KLHL42: variants seen among roughly 807,000 people sequenced by gnomAD.
KLHL42 encodes kelch like family member 42.
KLHL42 carries 27 observed loss-of-function variants against 32.7 expected under a neutral mutation model. The observed-to-expected ratio is 0.83, with a 90% CI of 0.61 to 1.14. The LOEUF (loss-of-function observed/expected upper bound fraction) is 1.14, where lower values mean the gene tolerates loss of function less well. Among genes scored for constraint, KLHL42 ranks in the 50% most tolerant of loss-of-function variants. The pLI is 0.00. For missense variants in KLHL42, 491 were observed against 560.8 expected (o/e 0.88, Z 1.26); for synonymous variants, 267 against 248.2 (o/e 1.08, Z -0.71).
intron 1 of KLHL42, among the ~76,000 whole-genome samples, chr12:27,786,745 C>T (rs1302548111): frequency 2.1e-5 from 2 of 96,808 alleles, no homozygotes; most frequent in African/African-American, 1.0e-4. Context: ...TTTTTTGAGA[C>T]AGAGTCTCGC....
chr12:27,791,608 T>C (rs2062197283), intron 1 of KLHL42, 100 bp from the exon 2 acceptor site: 2 of 1,072,796 alleles, frequency 1.9e-6, no homozygotes, highest in East Asian at 4.8e-5. Flanking sequence ...GAGAGCGAAT[T>C]TTCTTCAGAT....
In KLHL42 at chr12:27,801,366, A is replaced by C. The variant is rs1355072904; in HGVS notation, c.*3200A>C. On this transcript the variant is annotated 3_prime_UTR_variant, in exon 3 of 3. Transcript: ENST00000381271. ...GACTGTTGCCTATTGAGCATTGTGG[A>C]TGATGTGTTTTCAGATTTCCAGGTG... 1.3e-5 allele frequency: 2 copies of C among 152,300 alleles called. No homozygotes were observed. The highest frequency in any genetic ancestry group is 2.9e-5 in the Non-Finnish European group (2 of 68,026). 9.4% of individuals were successfully genotyped at this position (152,300 alleles called of 1,614,324 possible). A position where few individuals can be genotyped will look rare whatever the true frequency, so the allele number is the denominator to read the frequency against.
chr12:27,782,303 T>C (rs1238228852), intron 1 of KLHL42, among the ~76,000 whole-genome samples: 1 of 152,200 alleles, frequency 6.6e-6, no homozygotes, highest in Non-Finnish European at 1.5e-5. Flanking sequence ...TCCTATAATA[T>C]GAAATTCATT....
chr12:27,796,799 C>A (rs1484828111), intron 2 of KLHL42, among the ~76,000 whole-genome samples: 1 of 151,962 alleles, frequency 6.6e-6, no homozygotes, highest in African/African-American at 2.4e-5. Context: ...CCATGCCTGG[C>A]TAATTTTTTA....
At chr12:27,792,503 T>C (rs1041614887) in intron 2 of KLHL42, among the ~76,000 whole-genome samples, 1 of 152,148 alleles carries the variant, frequency 6.6e-6, no homozygotes, top group Non-Finnish European at 1.5e-5. Context: ...GAGGTGGTTG[T>C]ACTATCTATT....
At chr12:27,782,186 CA>C (rs1442154611) in intron 1 of KLHL42, among the ~76,000 whole-genome samples, 3 of 152,108 alleles carry the variant, frequency 2.0e-5, no homozygotes, top group African/African-American at 7.2e-5. Flanking sequence ...CACAGCTGGG[CA>C]AAGAAAGTCT....
Position 27,798,723 on chromosome 12 carries a change from A to G in KLHL42, c.*557A>G, listed in dbSNP as rs531344154. ...ACTACTTTTTAGGAAACTTATAATG[A>G]TGGAGCCCTACAGTGAATCCTTACC... On this transcript the variant is annotated 3_prime_UTR_variant, in exon 3 of 3. Transcript: ENST00000381271. The G allele has an allele frequency of 1.3e-5, 2 of 152,568 alleles. No homozygotes were observed. Among genetic ancestry groups the G allele is most frequent in the East Asian group, 3.9e-4 (2 of 5,184 alleles). The allele number at this position is 152,568 out of a possible 1,614,324, so 9.5% of individuals were successfully genotyped here.
Position 27,780,377 on chromosome 12 carries a change from A to T in KLHL42, c.47A>T (p.Tyr16Phe), listed in dbSNP as rs775288759. The T allele has an allele frequency of 3.8e-6, 6 of 1,581,446 alleles. No individual in the cohort carries two copies. The South Asian group carries it at 4.6e-5, about 12-fold the overall frequency. Residue 16 changes from tyrosine (Y) to phenylalanine (F), a missense_variant, in exon 1 of 3, where the codon TAC becomes TTC. This residue lies in a region of KLHL42 where 88 missense variants were observed against 89.0 expected (regional missense o/e 0.99). Coordinates refer to ENST00000381271, the MANE Select transcript of KLHL42 (RefSeq NM_020782.2). The surrounding 1 kb of genome is among the most constrained non-coding windows in gnomAD (Gnocchi z 8.8). Reference sequence around the variant, plus strand: ...CAGATCCGCCTGGAGGACCGCTGCTACCCGGTGAGCAAGAGGAAGCTCATC... The same window carrying T: ...CAGATCCGCCTGGAGGACCGCTGCTTCCCGGTGAGCAAGAGGAAGCTCATC... Reference protein sequence around the residue: ...MVQIRLEDRCYPVSKRKLIEQ... With the variant: ...MVQIRLEDRCFPVSKRKLIEQ...
chr12:27,795,615 A>G (rs1470103379), intron 2 of KLHL42, among the ~76,000 whole-genome samples: 3 of 124,580 alleles, frequency 2.4e-5, no homozygotes, highest in Non-Finnish European at 3.4e-5. Context: ...ATAAGTCATC[A>G]TGATTGTTAG....
intron 1 of KLHL42, among the ~76,000 whole-genome samples, chr12:27,790,160 G>T (rs1159229448): frequency 6.6e-6 from 1 of 152,132 alleles, no homozygotes; most frequent in African/African-American, 2.4e-5. Flanking sequence ...TTGTGTTGGG[G>T]TTGGATGTGG....
At chr12:27,790,235 G>A (rs921940753) in intron 1 of KLHL42, among the ~76,000 whole-genome samples, 7 of 152,308 alleles carry the variant, frequency 4.6e-5, no homozygotes, top group Non-Finnish European at 1.5e-5. Context: ...TTGAATGATA[G>A]TATTTTATCT....
intron 2 of KLHL42, among the ~76,000 whole-genome samples, chr12:27,794,173 C>G (rs185990538): frequency 2.0e-5 from 3 of 152,322 alleles, no homozygotes; most frequent in African/African-American, 7.2e-5. Flanking sequence ...TGGCCTAAAA[C>G]AACAGAAACA....
At chr12:27,784,491 G>A (rs1328130987) in intron 1 of KLHL42, among the ~76,000 whole-genome samples, 1 of 152,068 alleles carries the variant, frequency 6.6e-6, no homozygotes, top group Non-Finnish European at 1.5e-5. Context: ...GTTCACGCTT[G>A]TAGTCCCAGC....
chr12:27,787,269 C>T lies in KLHL42; in HGVS notation c.873-4439C>T, dbSNP rs529490128. 2.8e-3 allele frequency among the ~76,000 whole-genome samples: 425 copies of T among 151,734 alleles called. 5 individuals carry two copies. The highest frequency in any genetic ancestry group is 9.9e-3 in the African/African-American group (410 of 41,396). ...CAGCACTTTGGGAGGCTGAGGCAGGCGGATCACCTGAGGTCAGAGGTTCGA... is the reference window on the plus strand; with the variant it reads ...CAGCACTTTGGGAGGCTGAGGCAGGTGGATCACCTGAGGTCAGAGGTTCGA... On this transcript the variant is annotated intron_variant, in intron 1 of 2. Transcript: ENST00000381271.
intron 2 of KLHL42, among the ~76,000 whole-genome samples, chr12:27,794,522 C>A (rs373832365): frequency 2.0e-5 from 3 of 152,160 alleles, no homozygotes; most frequent in Non-Finnish European, 4.4e-5. Context: ...GATGGAGTCT[C>A]ACTCTATTGC....
At chr12:27,781,879 C>G (rs2062150985) in intron 1 of KLHL42, among the ~76,000 whole-genome samples, 1 of 152,046 alleles carries the variant, frequency 6.6e-6, no homozygotes, top group Non-Finnish European at 1.5e-5. Context: ...TCTCCTGCCT[C>G]CAACAAGGGT....
intron 2 of KLHL42, among the ~76,000 whole-genome samples, chr12:27,794,176 C>T (rs1472412226): frequency 6.6e-6 from 1 of 152,190 alleles, no homozygotes; most frequent in Non-Finnish European, 1.5e-5. Context: ...CCTAAAACAA[C>T]AGAAACATAT....
Position 27,797,917 on chromosome 12 carries a change from C to T in KLHL42, c.1269C>T (p.Thr423=), listed in dbSNP as rs754835242. The T allele has an allele frequency of 6.4e-6, 5 of 780,878 alleles. No individual in the cohort carries two copies. The highest frequency in any genetic ancestry group is 5.1e-5 in the Admixed American group (3 of 59,012). 48.4% of individuals were successfully genotyped at this position (780,878 alleles called of 1,614,324 possible). Residue 423 remains threonine, a synonymous_variant, in exon 3 of 3, where the codon ACC becomes ACT. Transcript: ENST00000381271. ...TGCTCACCGTGCAGTCCTACAACACCGTCACCCGCCAGTGGCTCTACCTCA... is the reference window on the plus strand; with the variant it reads ...TGCTCACCGTGCAGTCCTACAACACTGTCACCCGCCAGTGGCTCTACCTCA... The part of the protein sequence containing the change: ...EDMLTVQSYN[T]VTRQWLYLKE...
At chr12:27,797,146 T>C in intron 2 of KLHL42, 2 of 385,384 alleles carry the variant, frequency 5.2e-6, no homozygotes, top group Non-Finnish European at 5.2e-6. Context: ...AAAAAAAAAC[T>C]GGAAACTGAA....
Sources: gnomAD v4.1 joint callset for allele counts (sites outside exome capture counted in the v4.1 genomes callset) on GRCh38, gnomAD v4.1.1 for gene constraint, gnomAD v4.1.1 regional missense constraint, Gnocchi (gnomAD v3.1) non-coding constraint, MANE v1.5 for transcripts, NCBI Gene and HGNC (gene_info 2026-07-23, HGNC 2026-07-21) for gene names.